The following SOD2 variants were observed in gnomAD, a reference collection of about 807,000 sequenced individuals.
SOD2 encodes the protein superoxide dismutase [Mn], mitochondrial.
Under a neutral mutation model 27.0 loss-of-function variants are expected in SOD2, and 11 were observed. That is an observed-to-expected ratio of 0.41 (90% CI 0.26 to 0.67). The LOEUF (loss-of-function observed/expected upper bound fraction) is 0.67. Ranked by LOEUF, SOD2 falls within the 30% of genes least tolerant of loss-of-function variation. The probability of loss-of-function intolerance (pLI) is 0.34; values close to 1 mark genes in which losing one functional copy is unlikely to be tolerated. For synonymous variants in SOD2, 105 were observed against 103.0 expected, an observed-to-expected ratio of 1.02 and a Z score of -0.12; for missense variants, 250 against 274.5, an observed-to-expected ratio of 0.91 and a Z score of 0.63.
intron 1 of SOD2, chr6:159,756,456 ATT>A (rs1271645142): frequency 6.6e-6 from 1 of 152,182 alleles, no homozygotes; most frequent in Non-Finnish European, 1.5e-5. Flanking sequence ...TTTGCACACA[ATT>A]TTTAATTTAT....
Position 159,670,364 on chromosome 6 carries a change from A to T in SOD2, c.*12129T>A, listed in dbSNP as rs1395753009. The T allele has an allele frequency of 2.0e-5, 3 of 152,168 alleles. No homozygotes were observed. The highest frequency in any genetic ancestry group is 4.4e-5 in the Non-Finnish European group (3 of 68,032). The allele number at this position is 152,168 out of a possible 1,614,324, so 9.4% of individuals were successfully genotyped here. ...TAAATTGTTTTCTGGTAAAAATGCTAACAGTAACTAGGAGCTAAAAGATTC... is the reference window on the plus strand; with the variant it reads ...TAAATTGTTTTCTGGTAAAAATGCTTACAGTAACTAGGAGCTAAAAGATTC... On this transcript the variant is annotated 3_prime_UTR_variant, in exon 5 of 5. Transcript: ENST00000538183.
In SOD2 at chr6:159,682,528, T is replaced by C. The variant is rs1454441696; in HGVS notation, c.634A>G (p.Asn212Asp). ...KAIWNVINWE[N>D]VTERYMACKK is the part of the protein sequence containing the mutation. ...CAAGCCATGTATCTTTCAGTTACAT[T>C]CTCCCAGTTGATTACATTCCAAATA... The change falls in exon 5 of 5, where the codon AAT becomes GAT. Residue 212 changes from asparagine (N) to aspartate (D), a missense_variant. By Grantham distance (23) the Asn-to-Asp change is conservative. Coordinates refer to ENST00000538183, the MANE Select transcript of SOD2 (RefSeq NM_000636.4). 6.2e-7 allele frequency: 1 copy of C among 1,613,936 alleles called. No individual in the cohort carries two copies.
intron 1 of SOD2, among the ~76,000 whole-genome samples, chr6:159,712,112 T>C (rs1583039133): frequency 2.3e-5 from 1 of 43,812 alleles, no homozygotes; most frequent in South Asian, 1.8e-3. Context: ...ACCACTCAGC[T>C]GCTCAGACCT....
chr6:159,728,779 CATT>C (rs1040730922), upstream of SOD2, among the ~76,000 whole-genome samples: 2 of 152,162 alleles, frequency 1.3e-5, no homozygotes, highest in African/African-American at 4.8e-5. Context: ...GTTGAGGTTA[CATT>C]TTAAGGGTTT....
chr6:159,724,572 C>T (rs543788009), intron 1 of SOD2, among the ~76,000 whole-genome samples: 26 of 152,166 alleles, frequency 1.7e-4, no homozygotes, highest in African/African-American at 6.3e-4. Context: ...ATGAAAAATA[C>T]AGTGGGGCGA....
In SOD2 at chr6:159,680,650, T is replaced by C. The variant is rs576753762; in HGVS notation, c.*1843A>G. On this transcript the variant is annotated 3_prime_UTR_variant, in exon 5 of 5. Coordinates refer to ENST00000538183, the MANE Select transcript of SOD2 (RefSeq NM_000636.4). ...TAAATAGGTTTAAGAAAAAAGCCTA[T>C]ATAGGCCAGGTGCAGTGGCTCACAC... 1.3e-5 allele frequency: 2 copies of C among 152,064 alleles called. No homozygotes were observed. The highest frequency in any genetic ancestry group is 3.9e-4 in the East Asian group (2 of 5,166). 9.4% of individuals were successfully genotyped at this position (152,064 alleles called of 1,614,324 possible).
At chr6:159,688,426 G>C (rs985351715) in intron 2 of SOD2, 184 bp from the exon 3 acceptor site, 4 of 543,378 alleles carry the variant, frequency 7.4e-6, no homozygotes, top group Non-Finnish European at 1.3e-5. Flanking sequence ...CTGAACAACT[G>C]ATGAAGGACC....
rs1421048503 is a variant in SOD2 at position 159,672,249 on chromosome 6, A to G, written c.*10244T>C. Reference sequence around the variant, plus strand: ...TTCAGGAAATACAGAGAACGCCACAAAGATACTCCTCGAGAAGAGCAACTC... The same window carrying G: ...TTCAGGAAATACAGAGAACGCCACAGAGATACTCCTCGAGAAGAGCAACTC... On this transcript the variant is annotated 3_prime_UTR_variant, in exon 5 of 5. Coordinates refer to ENST00000538183, the MANE Select transcript of SOD2 (RefSeq NM_000636.4). 6.6e-6 allele frequency: 1 copy of G among 152,200 alleles called. No homozygotes were observed. The highest frequency in any genetic ancestry group is 2.4e-5 in the African/African-American group (1 of 41,438). 9.4% of individuals were successfully genotyped at this position (152,200 alleles called of 1,614,324 possible).
At chr6:159,747,898 A>G (rs1170850726), upstream of SOD2, among the ~76,000 whole-genome samples, 3 of 152,156 alleles carry the variant, frequency 2.0e-5, no homozygotes, top group East Asian at 5.8e-4. Context: ...TTAAATAGTT[A>G]TTTTTTTAAT....
At chr6:159,752,062 C>CA (rs60854821) in intron 1 of SOD2, among the ~76,000 whole-genome samples, 3,897 of 94,886 alleles carry the variant, frequency 0.041, 57 homozygotes, top group Non-Finnish European at 0.053. Context: ...ACCCCCATCT[C>CA]AAAAAAAAAA....
At chr6:159,721,422 G>T in intron 1 of SOD2, among the ~76,000 whole-genome samples, 1 of 151,668 alleles carries the variant, frequency 6.6e-6, no homozygotes, top group East Asian at 2.0e-4. Context: ...AGGCTGGAGT[G>T]CAATGGTGCG....
chr6:159,731,854 T>G (rs1035940422), upstream of SOD2, among the ~76,000 whole-genome samples: 6 of 152,246 alleles, frequency 3.9e-5, no homozygotes, highest in African/African-American at 1.2e-4. Flanking sequence ...ATCAGAACTT[T>G]CTTCATGTGT....
intron 1 of SOD2, among the ~76,000 whole-genome samples, chr6:159,698,533 C>G: frequency 7.2e-6 from 1 of 138,546 alleles, no homozygotes; most frequent in Non-Finnish European, 1.5e-5. Flanking sequence ...GATCGCGCCA[C>G]TGCACTCCTG....
At chr6:159,708,332 CCT>C (rs1232051758) in intron 1 of SOD2, among the ~76,000 whole-genome samples, 1 of 152,184 alleles carries the variant, frequency 6.6e-6, no homozygotes, top group Non-Finnish European at 1.5e-5. Flanking sequence ...TCAAATTGTC[CCT>C]GTTTGCAGAT....
At chr6:159,708,266 C>T (rs1741928104) in intron 1 of SOD2, among the ~76,000 whole-genome samples, 1 of 152,146 alleles carries the variant, frequency 6.6e-6, no homozygotes, top group Non-Finnish European at 1.5e-5. Context: ...AAGTTCTGGC[C>T]AGGGCCATCA....
chr6:159,728,537 C>G (rs1778368477), upstream of SOD2, among the ~76,000 whole-genome samples: 1 of 152,124 alleles, frequency 6.6e-6, no homozygotes, highest in African/African-American at 2.4e-5. Flanking sequence ...TCCATTGCTT[C>G]GGAAGATAAG....
chr6:159,753,095 G>A (rs981369385), intron 1 of SOD2, among the ~76,000 whole-genome samples: 5 of 152,158 alleles, frequency 3.3e-5, no homozygotes, highest in African/African-American at 4.8e-5. Context: ...CTGATAAAGC[G>A]CTAGATTCCT....
At chr6:159,716,512 C>A (rs577319589) in intron 1 of SOD2, among the ~76,000 whole-genome samples, 1 of 152,282 alleles carries the variant, frequency 6.6e-6, no homozygotes, top group South Asian at 2.1e-4. Flanking sequence ...TTCTCAGAAG[C>A]CCCGAGAGAT....
At chr6:159,762,248 G>C in exon 1 of SOD2, 3 of 1,403,998 alleles carry the variant, frequency 2.1e-6, no homozygotes, top group East Asian at 2.5e-5. Flanking sequence ...GAGGAAGCCG[G>C]TCAGGCCAAG....
Sources: gnomAD v4.1 joint callset for allele counts (sites outside exome capture counted in the v4.1 genomes callset) on GRCh38, gnomAD v4.1.1 for gene constraint, MANE v1.5 for transcripts, NCBI Gene and HGNC (gene_info 2026-07-23, HGNC 2026-07-21) for gene names.